KCNE1: variants seen among roughly 807,000 people sequenced by gnomAD.
The protein encoded by KCNE1 is potassium voltage-gated channel subfamily E member 1.
KCNE1 carries 1 observed loss-of-function variant against 2.9 expected under a neutral mutation model. The ratio of observed to expected loss-of-function variants is 0.34; its 90% confidence interval spans 0.12 to 1.62. The LOEUF (loss-of-function observed/expected upper bound fraction) is 1.62. Among genes scored for constraint, KCNE1 ranks in the 40% most tolerant of loss-of-function variants. The pLI is 0.36. For synonymous variants in KCNE1, 23 were observed against 65.4 expected, an observed-to-expected ratio of 0.35 and a Z score of 3.13; for missense variants, 45 against 150.5, an observed-to-expected ratio of 0.30 and a Z score of 3.67.
At chr21:34,502,647 C>G (rs907947210) in intron 2 of KCNE1, among the ~76,000 whole-genome samples, 4 of 152,222 alleles carry the variant, frequency 2.6e-5, no homozygotes, top group Non-Finnish European at 5.9e-5. Context: ...CCTGACTCCA[C>G]CTGATGACTT....
chr21:34,502,760 G>A (rs771323208), intron 2 of KCNE1, among the ~76,000 whole-genome samples: 8 of 152,224 alleles, frequency 5.3e-5, no homozygotes, highest in Non-Finnish European at 1.0e-4. Context: ...TAAGGCAACT[G>A]GCCTGAGCCT....
intron 2 of KCNE1, among the ~76,000 whole-genome samples, chr21:34,504,140 C>T (rs2051391): frequency 0.14 from 21,533 of 152,122 alleles, 1,793 homozygotes; most frequent in Non-Finnish European, 0.19. Context: ...ACAGGGCCTT[C>T]GGAGGAAAGG....
In KCNE1 at chr21:34,499,129, G is replaced by T. The variant is rs868145056; in HGVS notation, c.-162+11972C>A. Among the ~76,000 whole-genome samples the T allele has an allele frequency of 2.0e-5, 3 of 152,186 alleles. No homozygotes were observed. In the South Asian group the frequency reaches 6.2e-4, roughly 32 times the overall value. Reference sequence around the variant, plus strand: ...GGCCAATGGGGCTATGTTCCAAGGGGTATTATGGCTGCGTCTGTTGCATTA... The same window carrying T: ...GGCCAATGGGGCTATGTTCCAAGGGTTATTATGGCTGCGTCTGTTGCATTA... On this transcript the variant is annotated intron_variant, in intron 2 of 3. Transcript: ENST00000399286.
intron 2 of KCNE1, among the ~76,000 whole-genome samples, chr21:34,498,299 C>T (rs190473029): frequency 6.6e-6 from 1 of 152,320 alleles, no homozygotes; most frequent in East Asian, 1.9e-4. Context: ...GATTCCTTCT[C>T]ATTTGGTCAG....
At chr21:34,496,454 T>C (rs776176646) in intron 2 of KCNE1, among the ~76,000 whole-genome samples, 1 of 152,204 alleles carries the variant, frequency 6.6e-6, no homozygotes, top group Non-Finnish European at 1.5e-5. Context: ...TTAATTTCCA[T>C]GTATTTGTGT....
chr21:34,502,939 A>C (rs1296482722), intron 2 of KCNE1, among the ~76,000 whole-genome samples: 2 of 152,034 alleles, frequency 1.3e-5, no homozygotes, highest in Non-Finnish European at 2.9e-5. Flanking sequence ...CTCATTCACC[A>C]CTCAGCACCA....
At chr21:34,499,889 T>A (rs1340419038) in intron 2 of KCNE1, among the ~76,000 whole-genome samples, 1 of 152,210 alleles carries the variant, frequency 6.6e-6, no homozygotes, top group Non-Finnish European at 1.5e-5. Flanking sequence ...ATGCTTTGTG[T>A]CTCCACATAC....
At chr21:34,511,391 T>C in intron 1 of KCNE1, 76 bp from the exon 2 acceptor site, 1 of 688,400 alleles carries the variant, frequency 1.5e-6, no homozygotes, top group Non-Finnish European at 1.8e-6. Flanking sequence ...TAATGGGAGG[T>C]GTTTAGTCAT....
chr21:34,509,378 T>G (rs1006025241), intron 2 of KCNE1: 2 of 152,100 alleles, frequency 1.3e-5, no homozygotes, highest in Non-Finnish European at 2.9e-5. Flanking sequence ...GGGACACCAC[T>G]GCTCCCTCCA....
chr21:34,504,790 C>T (rs141225191), intron 2 of KCNE1, among the ~76,000 whole-genome samples: 7 of 152,220 alleles, frequency 4.6e-5, no homozygotes, highest in African/African-American at 1.2e-4. Flanking sequence ...GTGAAAGAAG[C>T]CAGTCACAAA....
rs970090110 is a variant in KCNE1 at position 34,450,156 on chromosome 21, C to T, written c.-50-472G>A. 3.3e-4 allele frequency among the ~76,000 whole-genome samples: 26 copies of T among 77,986 alleles called. 1 individual carries two copies. Among genetic ancestry groups the T allele is most frequent in the African/African-American group, 1.2e-3 (26 of 21,134 alleles). The allele number at this position is 77,986 out of a possible 152,430, so 51.2% of individuals were successfully genotyped here. A position where few individuals can be genotyped will look rare whatever the true frequency, so the allele number is the denominator to read the frequency against. On this transcript the variant is annotated intron_variant, in intron 3 of 3. Transcript: ENST00000399286. ...CACTTCTTTTCTCTGCCTTCTCCCC[C>T]AGAGATGGACACTGCTGTGGCTGCT...
intron 2 of KCNE1, among the ~76,000 whole-genome samples, chr21:34,502,678 A>C (rs1983238653): frequency 6.6e-6 from 1 of 152,234 alleles, no homozygotes; most frequent in Non-Finnish European, 1.5e-5. Context: ...TTCCTCCATC[A>C]GTCAACATGA....
chr21:34,503,642 C>A (rs369423864), intron 2 of KCNE1, among the ~76,000 whole-genome samples: 4 of 152,166 alleles, frequency 2.6e-5, no homozygotes, highest in African/African-American at 9.7e-5. Context: ...TACTCATTAG[C>A]ATACAAAAGA....
intron 2 of KCNE1, among the ~76,000 whole-genome samples, chr21:34,503,048 C>T (rs1983262772): frequency 6.6e-6 from 1 of 152,192 alleles, no homozygotes; most frequent in South Asian, 2.1e-4. Flanking sequence ...CAATTCAATT[C>T]TGATGCTAAC....
chr21:34,510,625 A>T lies in KCNE1; in HGVS notation c.-162+476T>A, dbSNP rs528213054. On this transcript the variant is annotated intron_variant, in intron 2 of 3. Coordinates refer to ENST00000399286, the MANE Select transcript of KCNE1 (RefSeq NM_000219.6). ...CATCCTCCTTAAAGCTTCAGCCTCT[A>T]CCTGGGACACTTCCTCCCCCACTGC... 3 of 152,660 alleles carry T rather than the reference A, an allele frequency of 2.0e-5. No homozygotes were observed. The East Asian group carries it at 5.8e-4, about 30-fold the overall frequency. 9.5% of individuals were successfully genotyped at this position (152,660 alleles called of 1,614,324 possible). A position where few individuals can be genotyped will look rare whatever the true frequency, so the allele number is the denominator to read the frequency against.
At chr21:34,504,768 A>G (rs1341741836) in intron 2 of KCNE1, among the ~76,000 whole-genome samples, 2 of 152,268 alleles carry the variant, frequency 1.3e-5, no homozygotes, top group Non-Finnish European at 2.9e-5. Context: ...AACCTCAAGT[A>G]TGTTAGGCTA....
chr21:34,504,164 C>T (rs963739182), intron 2 of KCNE1, among the ~76,000 whole-genome samples: 5 of 152,132 alleles, frequency 3.3e-5, no homozygotes, highest in African/African-American at 9.7e-5. Context: ...ACCACTCCGT[C>T]GTGGAGGGAG....
At position 34,511,157 on chromosome 21, in the gene KCNE1, C is replaced by T. The variant is rs1374476906; in HGVS notation, c.-218G>A. The T allele has an allele frequency of 3.0e-6, 3 of 985,686 alleles. No homozygotes were observed. The African/African-American group carries it at 5.2e-5, about 17-fold the overall frequency. The allele number at this position is 985,686 out of a possible 1,614,324, so 61.1% of individuals were successfully genotyped here. ...ACTGCGGTGTCCACACCATTGGCAG[C>T]AGGCTCCTTCTCTTCAGGTGGTCTT... On this transcript the variant is annotated 5_prime_UTR_variant, in exon 2 of 4. Coordinates refer to ENST00000399286, the MANE Select transcript of KCNE1 (RefSeq NM_000219.6).
At chr21:34,509,111 G>A (rs1370791437) in intron 2 of KCNE1, among the ~76,000 whole-genome samples, 1 of 152,208 alleles carries the variant, frequency 6.6e-6, no homozygotes, top group African/African-American at 2.4e-5. Context: ...GGTACGGGTT[G>A]GCTGGGGCCT....
Sources: gnomAD v4.1 joint callset for allele counts (sites outside exome capture counted in the v4.1 genomes callset) on GRCh38, gnomAD v4.1.1 for gene constraint, MANE v1.5 for transcripts, NCBI Gene and HGNC (gene_info 2026-07-23, HGNC 2026-07-21) for gene names.